KHDRBS2: variants seen among roughly 807,000 people sequenced by gnomAD.
KHDRBS2 encodes the protein KH domain-containing, RNA-binding, signal transduction-associated protein 2.
A neutral mutation model predicts 44.3 loss-of-function variants in KHDRBS2; 26 were observed. The ratio of observed to expected loss-of-function variants is 0.59; its 90% CI spans 0.43 to 0.81. KHDRBS2 has a LOEUF of 0.81. Among genes scored for constraint, KHDRBS2 ranks in the 40% least tolerant of loss-of-function variants. The probability of loss-of-function intolerance (pLI) is 0.00; values close to 1 mark genes in which losing one functional copy is unlikely to be tolerated. For missense variants in KHDRBS2, 476 were observed against 433.1 expected, an observed-to-expected ratio of 1.10 and a Z score of -0.88; for synonymous variants, 194 against 151.1, an observed-to-expected ratio of 1.28 and a Z score of -2.08.
the KHDRBS2 span, among the ~76,000 whole-genome samples, chr6:61,583,134 G>T: frequency 6.6e-6 from 1 of 151,650 alleles, no homozygotes; most frequent in Admixed American, 6.6e-5. Context: ...ATTCTGTCAT[G>T]CCCTTTTTCA....
At chr6:62,171,644 C>CAAAATAAAAT (rs61368263) in intron 2 of KHDRBS2, among the ~76,000 whole-genome samples, 1 of 150,666 alleles carries the variant, frequency 6.6e-6, no homozygotes, top group Non-Finnish European at 1.5e-5. Flanking sequence ...GATTTTCAGT[C>CAAAATAAAAT]AAAATAAAAT....
intron 3 of KHDRBS2, among the ~76,000 whole-genome samples, chr6:62,012,976 G>A (rs1429865740): frequency 1.3e-5 from 2 of 152,144 alleles, no homozygotes; most frequent in African/African-American, 4.8e-5. Flanking sequence ...TGAACATATG[G>A]TGTTGTGGAA....
the KHDRBS2 span, among the ~76,000 whole-genome samples, chr6:61,667,153 TGGAA>T: frequency 6.7e-6 from 1 of 149,910 alleles, no homozygotes; most frequent in African/African-American, 2.4e-5. Context: ...TTTTTTAAGA[TGGAA>T]GGACAAATGT....
At chr6:62,102,968 A>G (rs986303283) in intron 2 of KHDRBS2, among the ~76,000 whole-genome samples, 1 of 152,160 alleles carries the variant, frequency 6.6e-6, no homozygotes, top group African/African-American at 2.4e-5. Context: ...AGCTCTCAAG[A>G]GATCCGAAGT....
At chr6:62,285,022 G>A (rs1369086815) in intron 1 of KHDRBS2, among the ~76,000 whole-genome samples, 1 of 152,066 alleles carries the variant, frequency 6.6e-6, no homozygotes, top group African/African-American at 2.4e-5. Flanking sequence ...AAAAGGCATG[G>A]GTAAGTAACT....
chr6:61,569,499 T>C, the KHDRBS2 span, among the ~76,000 whole-genome samples: 5 of 152,156 alleles, frequency 3.3e-5, no homozygotes, highest in Non-Finnish European at 5.9e-5. Flanking sequence ...TTATAGCAAC[T>C]CATGACAGAC....
At chr6:61,930,885 A>G (rs951146123) in intron 4 of KHDRBS2, among the ~76,000 whole-genome samples, 8 of 152,082 alleles carry the variant, frequency 5.3e-5, no homozygotes, top group Admixed American at 5.2e-4. Flanking sequence ...TAAATGTTAA[A>G]CCTAATACCA....
intron 6 of KHDRBS2, among the ~76,000 whole-genome samples, chr6:61,781,253 C>A (rs1308478933): frequency 2.0e-5 from 3 of 152,068 alleles, no homozygotes; most frequent in Non-Finnish European, 4.4e-5. Flanking sequence ...CCCAGTAACT[C>A]TCAACTCCAT....
intron 2 of KHDRBS2, among the ~76,000 whole-genome samples, chr6:62,087,020 T>A (rs1298441679): frequency 1.3e-5 from 2 of 151,398 alleles, no homozygotes; most frequent in Non-Finnish European, 2.9e-5. Context: ...CACTATATTG[T>A]TTAACTCAAT....
chr6:61,577,701 T>C, the KHDRBS2 span, among the ~76,000 whole-genome samples: 2 of 152,152 alleles, frequency 1.3e-5, no homozygotes, highest in African/African-American at 2.4e-5. Flanking sequence ...ATACAATATA[T>C]GTTTTTCATA....
intron 6 of KHDRBS2, among the ~76,000 whole-genome samples, chr6:61,758,699 G>A (rs1778859330): frequency 6.6e-6 from 1 of 152,032 alleles, no homozygotes; most frequent in African/African-American, 2.4e-5. Context: ...ATATACTCAT[G>A]CTGTATGATT....
At chr6:62,232,434 C>G (rs1334429132) in intron 1 of KHDRBS2, among the ~76,000 whole-genome samples, 2 of 151,972 alleles carry the variant, frequency 1.3e-5, no homozygotes, top group African/African-American at 4.8e-5. Context: ...ATATTTTTGA[C>G]CAGATCATTG....
intron 1 of KHDRBS2, among the ~76,000 whole-genome samples, chr6:62,275,648 A>G (rs1840811532): frequency 6.6e-6 from 1 of 152,212 alleles, no homozygotes. Context: ...TTTCTAAAGT[A>G]ACCTAGTTAG....
intron 2 of KHDRBS2, among the ~76,000 whole-genome samples, chr6:62,080,806 G>C (rs960396212): frequency 1.3e-5 from 2 of 151,976 alleles, no homozygotes; most frequent in Admixed American, 1.3e-4. Context: ...TGGAGAGTAG[G>C]ATAGAGTAAC....
chr6:61,738,319 A>T (rs1022267734), intron 6 of KHDRBS2, among the ~76,000 whole-genome samples: 3 of 152,058 alleles, frequency 2.0e-5, no homozygotes, highest in African/African-American at 7.2e-5. Flanking sequence ...CCCACAAAAA[A>T]GAAAATACTC....
At chr6:62,062,416 A>G (rs969796223) in intron 2 of KHDRBS2, among the ~76,000 whole-genome samples, 2 of 149,920 alleles carry the variant, frequency 1.3e-5, no homozygotes, top group East Asian at 2.0e-4. Context: ...AACAGAAATT[A>G]TAACAAACTA....
At chr6:61,998,602 G>A (rs1409333216) in intron 3 of KHDRBS2, among the ~76,000 whole-genome samples, 2 of 151,952 alleles carry the variant, frequency 1.3e-5, no homozygotes, top group African/African-American at 2.4e-5. Flanking sequence ...ACGTAGATAC[G>A]AGTTCCAGAA....
chr6:61,653,355 A>AG, the KHDRBS2 span, among the ~76,000 whole-genome samples: 2 of 152,122 alleles, frequency 1.3e-5, no homozygotes, highest in African/African-American at 4.8e-5. Context: ...TTCTGAAATA[A>AG]CAAGTCTGTT....
chr6:61,800,556 T>C (rs1786092816), intron 6 of KHDRBS2, among the ~76,000 whole-genome samples: 1 of 152,186 alleles, frequency 6.6e-6, no homozygotes, highest in East Asian at 1.9e-4. Flanking sequence ...TATATACTAA[T>C]GGGGGGAAAT....
Sources: gnomAD v4.1 joint callset for allele counts (sites outside exome capture counted in the v4.1 genomes callset) on GRCh38, gnomAD v4.1.1 for gene constraint, MANE v1.5 for transcripts, NCBI Gene and HGNC (gene_info 2026-07-23, HGNC 2026-07-21) for gene names.